Variants in EVA1C observed in about 807,000 individuals in gnomAD.
EVA1C encodes eva-1 homolog C.
EVA1C carries 25 observed loss-of-function variants against 45.4 expected under a neutral mutation model. The observed-to-expected ratio is 0.55, with a 90% confidence interval of 0.40 to 0.77. The LOEUF (loss-of-function observed/expected upper bound fraction) is 0.77, where lower values mean the gene tolerates loss of function less well. EVA1C is among the 30% of genes least tolerant of loss of function. EVA1C has a pLI of 0.00. For missense variants in EVA1C, 479 were observed against 554.8 expected, an observed-to-expected ratio of 0.86 and a Z score of 1.37; for synonymous variants, 190 against 221.2, an observed-to-expected ratio of 0.86 and a Z score of 1.25.
At chr21:32,417,747 C>T (rs142016945) in intron 1 of EVA1C, among the ~76,000 whole-genome samples, 9 of 152,094 alleles carry the variant, frequency 5.9e-5, no homozygotes, top group Non-Finnish European at 1.0e-4. Flanking sequence ...GAGGTTGAAC[C>T]CTGTTATTTG....
intron 4 of EVA1C, among the ~76,000 whole-genome samples, chr21:32,482,854 CTTTTTT>C (rs774611494): frequency 4.9e-5 from 3 of 60,970 alleles, no homozygotes; most frequent in African/African-American, 1.6e-4. Context: ...GTGTTATTCC[CTTTTTT>C]TTTTTTTTTT....
intron 1 of EVA1C, among the ~76,000 whole-genome samples, chr21:32,440,557 A>T (rs1175956694): frequency 6.6e-6 from 1 of 152,224 alleles, no homozygotes; most frequent in Non-Finnish European, 1.5e-5. Context: ...TTGTAATACA[A>T]GACCAACGCA....
chr21:32,501,299 GCA>G, intron 5 of EVA1C, 114 bp from the exon 6 acceptor site: 3 of 844,774 alleles, frequency 3.6e-6, no homozygotes, highest in Non-Finnish European at 5.5e-6. Flanking sequence ...AGTGATTCTT[GCA>G]CTGATTTGGA....
Position 32,467,796 on chromosome 21 carries a change from G to C in EVA1C, c.582G>C (p.Arg194Ser), listed in dbSNP as rs776190126. The C allele has an allele frequency of 6.2e-7, 1 of 1,612,980 alleles. No homozygotes were observed. The highest frequency in any genetic ancestry group is 8.5e-7 in the Non-Finnish European group (1 of 1,179,524). ...LNIYSATYGR[R>S]TQERDICSSK... ...TCTACTCTGCGACCTACGGCAGGAG[G>C]ACCCAGGAAAGGGACATCTGCTCCT... Residue 194 changes from arginine to serine, a missense_variant, in exon 4 of 8, where the codon AGG becomes AGC. Arg to Ser is a moderately radical substitution (Grantham distance 110, BLOSUM62 -1). Coordinates refer to ENST00000300255, the MANE Select transcript of EVA1C (RefSeq NM_058187.5).
intron 7 of EVA1C, among the ~76,000 whole-genome samples, chr21:32,504,419 G>A (rs2037657118): frequency 6.6e-6 from 1 of 152,210 alleles, no homozygotes; most frequent in African/African-American, 2.4e-5. Context: ...CATGAAGACA[G>A]AGCCACTTTC....
At chr21:32,494,673 C>T (rs1357855525) in intron 4 of EVA1C, among the ~76,000 whole-genome samples, 2 of 151,762 alleles carry the variant, frequency 1.3e-5, no homozygotes, top group African/African-American at 4.8e-5. Flanking sequence ...GTCCCAGCTA[C>T]TGGGGAGGCT....
chr21:32,434,745 G>C (rs2034868724), intron 1 of EVA1C, among the ~76,000 whole-genome samples: 1 of 152,254 alleles, frequency 6.6e-6, no homozygotes, highest in Non-Finnish European at 1.5e-5. Flanking sequence ...TAAGGAGCTG[G>C]AGGAAGCTGG....
At chr21:32,472,812 C>A (rs946482987) in intron 4 of EVA1C, among the ~76,000 whole-genome samples, 1 of 152,188 alleles carries the variant, frequency 6.6e-6, no homozygotes, top group African/African-American at 2.4e-5. Context: ...CTGCTCTGTG[C>A]CCCTTGCTTG....
At chr21:32,449,353 T>C (rs1292396989) in intron 1 of EVA1C, among the ~76,000 whole-genome samples, 2 of 152,254 alleles carry the variant, frequency 1.3e-5, no homozygotes, top group African/African-American at 4.8e-5. Flanking sequence ...CAAAAAGTCC[T>C]CTGTGTTCCA....
intron 1 of EVA1C, among the ~76,000 whole-genome samples, chr21:32,445,515 T>C (rs2035332265): frequency 6.6e-6 from 1 of 152,226 alleles, no homozygotes; most frequent in Admixed American, 6.5e-5. Flanking sequence ...AGTTCCCAGC[T>C]TGACTGTTCC....
Position 32,430,972 on chromosome 21 carries a change from C to CAAAAAAAAAAA in EVA1C, c.160+17960_160+17970dup, listed in dbSNP as rs1038641892. On this transcript the variant is annotated intron_variant, in intron 1 of 7. Coordinates refer to ENST00000300255, the MANE Select transcript of EVA1C (RefSeq NM_058187.5). The stretch of plus-strand genomic sequence containing the variant: ...TCGGCAACAGAGTGAGACTTGGTCT[C>CAAAAAAAAAAA]AAAAAAAAAAATTAGATCTTGTGAG... Among the ~76,000 whole-genome samples the CAAAAAAAAAAA allele has an allele frequency of 4.8e-5, 5 of 103,118 alleles. 1 individual carries two copies. The highest frequency in any genetic ancestry group is 2.7e-4 in the African/African-American group (5 of 18,590). 67.6% of individuals were successfully genotyped at this position (103,118 alleles called of 152,430 possible). A position where few individuals can be genotyped will look rare whatever the true frequency, so the allele number is the denominator to read the frequency against.
At chr21:32,466,824 CT>C (rs34603277) in intron 3 of EVA1C, among the ~76,000 whole-genome samples, 57,062 of 145,390 alleles carry the variant, frequency 0.39, 11,176 homozygotes, top group East Asian at 0.49. Flanking sequence ...ATCTTTCTTG[CT>C]TTTTTTTTTT....
intron 1 of EVA1C, among the ~76,000 whole-genome samples, chr21:32,440,232 AG>A (rs901973186): frequency 1.7e-4 from 26 of 152,356 alleles, no homozygotes; most frequent in Admixed American, 1.6e-3. Context: ...GCTAGTAAAA[AG>A]TTGCATTAAG....
Position 32,441,016 on chromosome 21 carries a change from C to A in EVA1C, c.161-12296C>A, listed in dbSNP as rs568845448. On this transcript the variant is annotated intron_variant, in intron 1 of 7. Coordinates refer to ENST00000300255, the MANE Select transcript of EVA1C (RefSeq NM_058187.5). ...ACTCAGGAGGCTGAGGCAAGAGAAT[C>A]GCTTGAGTCCAGAAGGTAGAGGTTG... Among the ~76,000 whole-genome samples the A allele has an allele frequency of 2.0e-5, 3 of 152,274 alleles. No individual in the cohort carries two copies. In the South Asian group the frequency reaches 6.2e-4, roughly 32 times the overall value.
chr21:32,484,162 G>A (rs1470694732), intron 4 of EVA1C, among the ~76,000 whole-genome samples: 1 of 152,040 alleles, frequency 6.6e-6, no homozygotes, highest in Non-Finnish European at 1.5e-5. Flanking sequence ...TACCTGCCCA[G>A]TCCCCAGGGT....
chr21:32,498,930 G>C (rs1162459533), intron 5 of EVA1C, among the ~76,000 whole-genome samples: 1 of 152,214 alleles, frequency 6.6e-6, no homozygotes, highest in Admixed American at 6.5e-5. Context: ...GCAAAAATCT[G>C]ACAAGTGTGT....
chr21:32,501,638 G>A (rs2037534854), intron 6 of EVA1C, 143 bp downstream of exon 6: 7 of 973,410 alleles, frequency 7.2e-6, no homozygotes, highest in South Asian at 2.1e-5. Flanking sequence ...TGATAATAGC[G>A]CTTATTATCG....
intron 1 of EVA1C, 77 bp downstream of exon 1, chr21:32,413,090 A>G (rs1601179528): frequency 8.4e-7 from 1 of 1,183,674 alleles, no homozygotes. Context: ...GGGCAGCCGC[A>G]CCAGTGGACA....
intron 1 of EVA1C, among the ~76,000 whole-genome samples, chr21:32,443,966 C>T (rs1031468672): frequency 1.3e-5 from 2 of 151,896 alleles, no homozygotes; most frequent in Non-Finnish European, 2.9e-5. Context: ...ATCCTCCATC[C>T]TCTCATTCTT....
Sources: gnomAD v4.1 joint callset for allele counts (sites outside exome capture counted in the v4.1 genomes callset) on GRCh38, gnomAD v4.1.1 for gene constraint, MANE v1.5 for transcripts, NCBI Gene and HGNC (gene_info 2026-07-23, HGNC 2026-07-21) for gene names.